Variants in CD300LF observed in about 807,000 individuals in gnomAD.
CD300LF encodes CMRF35-like molecule 1.
Under a neutral mutation model 32.2 loss-of-function variants are expected in CD300LF, and 27 were observed. The observed-to-expected ratio is 0.84, with a 90% CI of 0.62 to 1.15. CD300LF has a LOEUF of 1.15. CD300LF is among the 50% of genes most tolerant of loss of function. The pLI is 0.00. For missense variants in CD300LF, 348 were observed against 356.8 expected, an observed-to-expected ratio of 0.98 and a Z score of 0.20; for synonymous variants, 139 against 143.2, an observed-to-expected ratio of 0.97 and a Z score of 0.21.
intron 4 of CD300LF, among the ~76,000 whole-genome samples, chr17:74,696,845 C>T (rs899075802): frequency 5.9e-5 from 9 of 152,196 alleles, no homozygotes; most frequent in African/African-American, 1.7e-4. Context: ...ATGCACCAAG[C>T]TGTCCCCCAA....
In CD300LF at chr17:74,695,270, C is replaced by T. The variant is rs372911014; in HGVS notation, c.718-19G>A. Reference sequence around the variant, plus strand: ...AGGAAGCCTGCAGCAAAGGCGGGCTCCAGGTCAGAGAGGACGGCAGGAAGT... The same window carrying T: ...AGGAAGCCTGCAGCAAAGGCGGGCTTCAGGTCAGAGAGGACGGCAGGAAGT... On this transcript the variant is annotated intron_variant, in intron 6 of 6. Coordinates refer to ENST00000326165, the MANE Select transcript of CD300LF (RefSeq NM_139018.5). The T allele has an allele frequency of 1.9e-5, 30 of 1,613,256 alleles. No individual in the cohort carries two copies. In the African/African-American group the frequency reaches 3.6e-4, roughly 19 times the overall value.
chr17:74,701,480 C>T (rs148793533), intron 3 of CD300LF, among the ~76,000 whole-genome samples: 97 of 152,246 alleles, frequency 6.4e-4, no homozygotes, highest in Non-Finnish European at 1.1e-3. Flanking sequence ...AAATAAATAA[C>T]CTTAACTATT....
At chr17:74,708,847 C>A (rs1018818037) in intron 1 of CD300LF, among the ~76,000 whole-genome samples, 7 of 149,552 alleles carry the variant, frequency 4.7e-5, no homozygotes, top group African/African-American at 1.5e-4. Flanking sequence ...CCCGGGGGGG[C>A]GGAGCTTGCA....
At chr17:74,698,502 C>T (rs944782467) in intron 3 of CD300LF, 21 bp from the exon 4 acceptor site, 10 of 1,600,052 alleles carry the variant, frequency 6.2e-6, no homozygotes, top group Non-Finnish European at 6.8e-6. Flanking sequence ...TGGCAAGCGT[C>T]CCCTGCATCC....
At chr17:74,696,044 C>T in intron 5 of CD300LF, 151 bp downstream of exon 5, 1 of 1,244,522 alleles carries the variant, frequency 8.0e-7, no homozygotes, top group Non-Finnish European at 1.1e-6. Context: ...TGTTTCCAGG[C>T]CCTCAGCCCC....
chr17:74,707,669 C>T (rs978468868), intron 1 of CD300LF, among the ~76,000 whole-genome samples: 3 of 150,294 alleles, frequency 2.0e-5, no homozygotes, highest in Admixed American at 6.6e-5. Flanking sequence ...GAGCCAAGAT[C>T]GTGCCACTGC....
At position 74,695,001 on chromosome 17, in the gene CD300LF, C is replaced by G; in HGVS notation, c.*95G>C. ...CTGATCAGGCAGAGGCACCAGTCCC[C>G]GGGTTGGTCCTGATGAGGGGAGCAG... On this transcript the variant is annotated 3_prime_UTR_variant, in exon 7 of 7. Coordinates refer to ENST00000326165, the MANE Select transcript of CD300LF (RefSeq NM_139018.5). The G allele has an allele frequency of 7.4e-7, 1 of 1,360,120 alleles. No homozygotes were observed. The highest frequency in any genetic ancestry group is 1.0e-6 in the Non-Finnish European group (1 of 994,794). 84.3% of individuals were successfully genotyped at this position (1,360,120 alleles called of 1,614,324 possible).
At chr17:74,705,645 ACAATCATGGCT>A (rs984717805) in intron 1 of CD300LF, among the ~76,000 whole-genome samples, 81 of 152,084 alleles carry the variant, frequency 5.3e-4, no homozygotes, top group African/African-American at 1.8e-3. Context: ...ACACAGTGGC[ACAATCATGGCT>A]CAATCATGGC....
At chr17:74,698,260 G>A (rs1349045522) in intron 4 of CD300LF, 109 bp downstream of exon 4, 1 of 821,626 alleles carries the variant, frequency 1.2e-6, no homozygotes, top group Non-Finnish European at 2.0e-6. Flanking sequence ...CTTTGGGACT[G>A]TGCCATTTCC....
rs542422427 is a variant in CD300LF at position 74,704,624 on chromosome 17, C to T, written c.236G>A (p.Arg79Gln). Residue 79 changes from arginine (R) to glutamine (Q), a missense_variant, in exon 2 of 7, where the codon CGG (arginine) becomes CAG (glutamine). Transcript: ENST00000326165. ...SGSEQEVKRD[R>Q]VSIKDNQKNR... The stretch of plus-strand genomic sequence containing the variant: ...TTTCTGATTGTCCTTGATGGACACC[C>T]GGTCCCTCTTCACCTCCTGCTCTGA... 9.9e-6 allele frequency: 16 copies of T among 1,614,050 alleles called. No homozygotes were observed. The highest frequency in any genetic ancestry group is 1.6e-4 in the Middle Eastern group (1 of 6,084).
Position 74,695,123 on chromosome 17 carries a change from C to T in CD300LF, c.846G>A (p.Thr282=), listed in dbSNP as rs370064075. 2.5e-6 allele frequency: 4 copies of T among 1,614,028 alleles called. No homozygotes were observed. Among genetic ancestry groups the T allele is most frequent in the Non-Finnish European group, 3.4e-6 (4 of 1,179,960 alleles). ...AAGGCCTGCTGATGGTGCTGTATTCCGTGGGCTCCTCAGGGCCCCTGCCGG... is the reference window on the plus strand; with the variant it reads ...AAGGCCTGCTGATGGTGCTGTATTCTGTGGGCTCCTCAGGGCCCCTGCCGG... ...HLPGRGPEEP[T]EYSTISRP is the part of the protein sequence containing the mutation. The change falls in exon 7 of 7, where the codon ACG becomes ACA. Residue 282 remains threonine (T), a synonymous_variant. Transcript: ENST00000326165.
At chr17:74,697,847 C>T (rs1196133015) in intron 4 of CD300LF, among the ~76,000 whole-genome samples, 1 of 151,592 alleles carries the variant, frequency 6.6e-6, no homozygotes, top group Non-Finnish European at 1.5e-5. Context: ...ACTTGGAGGG[C>T]TGTGTGTGTG....
intron 1 of CD300LF, among the ~76,000 whole-genome samples, chr17:74,708,809 G>C (rs895523052): frequency 1.4e-4 from 21 of 148,902 alleles, no homozygotes; most frequent in Non-Finnish European, 2.7e-4. Flanking sequence ...CCAGCTACTC[G>C]GAGGCTGAGG....
In CD300LF at chr17:74,704,684, C is replaced by T; in HGVS notation, c.176G>A (p.Trp59Ter). 1 of 1,614,182 alleles carries T rather than the reference C, an allele frequency of 6.2e-7. No homozygotes were observed. Residue 59 changes from tryptophan to a stop codon, truncating the protein, a stop_gained, in exon 2 of 7, where the codon TGG (tryptophan) becomes TAG (stop). Transcript: ENST00000326165. LOFTEE classifies it high-confidence loss of function. ...YLKWWCRGAIWRDCKILVKTS... is the reference protein window; with the variant it reads ...YLKWWCRGAI ...TTTAACAAGGATCTTGCAGTCACGC[C>T]AAATAGCTCCTCGACACCACCACTT... is the stretch of plus-strand genomic sequence containing the variant.
intron 4 of CD300LF, 99 bp downstream of exon 4, chr17:74,698,270 C>A (rs1050521840): frequency 3.4e-6 from 3 of 885,186 alleles, no homozygotes; most frequent in Non-Finnish European, 5.4e-6. Context: ...GTGCCATTTC[C>A]TGATTGTGTG....
chr17:74,698,717 T>C (rs1159377516), intron 3 of CD300LF: 1 of 1,012,582 alleles, frequency 9.9e-7, no homozygotes, highest in Non-Finnish European at 1.4e-6. Context: ...GGATGGAGGG[T>C]GGGAGGAAGC....
chr17:74,711,653 G>A (rs199683226), intron 1 of CD300LF, among the ~76,000 whole-genome samples: 10 of 152,042 alleles, frequency 6.6e-5, no homozygotes, highest in East Asian at 5.8e-4. Flanking sequence ...AAGAGCCCTC[G>A]TATCTACTGT....
intron 1 of CD300LF, among the ~76,000 whole-genome samples, chr17:74,712,428 C>G (rs566183553): frequency 5.4e-4 from 83 of 152,344 alleles, no homozygotes; most frequent in African/African-American, 1.8e-3. Flanking sequence ...TCAAAGTCCT[C>G]CAGCCTCACC....
intron 3 of CD300LF, among the ~76,000 whole-genome samples, chr17:74,702,176 T>G (rs2033114405): frequency 1.3e-5 from 2 of 152,106 alleles, no homozygotes; most frequent in Admixed American, 1.3e-4. Context: ...ACTTGGCACT[T>G]GGCAGATCTA....
Sources: allele counts gnomAD v4.1 joint callset (sites outside exome capture counted in the v4.1 genomes callset), GRCh38; gene constraint gnomAD v4.1.1; transcripts MANE v1.5; gene names NCBI Gene and HGNC (gene_info 2026-07-23, HGNC 2026-07-21).